The following CDKL2 variants were observed in gnomAD, a reference collection of about 807,000 sequenced individuals.
CDKL2 encodes the protein cyclin dependent kinase like 2, also known as cyclin-dependent kinase-like 2.
A neutral mutation model predicts 63.9 loss-of-function variants in CDKL2; 64 were observed. The ratio of observed to expected loss-of-function variants is 1.00; its 90% CI spans 0.82 to 1.23. The LOEUF is 1.23. Among genes scored for constraint, CDKL2 ranks in the 50% most tolerant of loss-of-function variants. The pLI is 0.00. For missense variants in CDKL2, 656 were observed against 668.0 expected (o/e 0.98, Z 0.20); for synonymous variants, 211 against 229.2 (o/e 0.92, Z 0.72).
intron 3 of CDKL2, among the ~76,000 whole-genome samples, chr4:75,608,712 G>T (rs568404259): frequency 1.2e-4 from 19 of 152,224 alleles, no homozygotes; most frequent in Admixed American, 1.2e-3. Flanking sequence ...AAAATCAATA[G>T]GCCGCACGCA....
chr4:75,596,209 G>T, intron 10 of CDKL2, 38 bp downstream of exon 10: 1 of 1,124,324 alleles, frequency 8.9e-7, no homozygotes, highest in Non-Finnish European at 1.4e-6. Flanking sequence ...AGAGCTGACT[G>T]GTGTTTGCTC....
intron 12 of CDKL2, among the ~76,000 whole-genome samples, chr4:75,584,270 G>A (rs949249852): frequency 2.6e-5 from 4 of 152,178 alleles, no homozygotes; most frequent in Non-Finnish European, 5.9e-5. Context: ...ACTGTTGCTG[G>A]TTTTGAAGGC....
intron 4 of CDKL2, 83 bp from the exon 5 acceptor site, chr4:75,605,717 T>C: frequency 1.3e-6 from 1 of 795,254 alleles, no homozygotes; most frequent in Non-Finnish European, 2.1e-6. Context: ...GAGGTGATGC[T>C]CAAAGGAAAT....
At chr4:75,624,223 T>A (rs752957483) in intron 2 of CDKL2, among the ~76,000 whole-genome samples, 5 of 151,932 alleles carry the variant, frequency 3.3e-5, no homozygotes, top group African/African-American at 4.8e-5. Flanking sequence ...AGCTAATGCA[T>A]GTACTCTTAT....
intron 5 of CDKL2, among the ~76,000 whole-genome samples, chr4:75,604,718 G>C (rs6847167): frequency 0.4 from 60,900 of 152,044 alleles, 12,942 homozygotes; most frequent in African/African-American, 0.51. Context: ...ACTGACTCAA[G>C]AATAATAAAT....
chr4:75,591,782 C>T lies in CDKL2; in HGVS notation c.1647+37G>A, dbSNP rs139429486. 556 of 1,378,442 alleles carry T rather than the reference C, an allele frequency of 4.0e-4. 3 individuals carry two copies. In the African/African-American group the frequency reaches 7.0e-3, roughly 17 times the overall value. The allele number at this position is 1,378,442 out of a possible 1,614,324, so 85.4% of individuals were successfully genotyped here. A position where few individuals can be genotyped will look rare whatever the true frequency, so the allele number is the denominator to read the frequency against. ...CTTTACTAGTAAGTAAGAGAGAGAC[C>T]CGAGTTCTGTCCATCCTATAAAGAG... On this transcript the variant is annotated intron_variant, in intron 12 of 13. Coordinates refer to ENST00000307465, the MANE Select transcript of CDKL2 (RefSeq NM_001330724.2).
chr4:75,600,173 C>A, intron 7 of CDKL2, 108 bp downstream of exon 7: 2 of 678,822 alleles, frequency 2.9e-6, no homozygotes, highest in South Asian at 2.1e-5. Flanking sequence ...TATCTGAGAT[C>A]CTGCAAAGTA....
At chr4:75,607,425 G>A (rs1729469888) in intron 3 of CDKL2, 64 bp from the exon 4 acceptor site, 4 of 1,273,570 alleles carry the variant, frequency 3.1e-6, no homozygotes, top group African/African-American at 3.0e-5. Context: ...CACCTGCTAT[G>A]TGCAGGGCAT....
chr4:75,607,407 T>C (rs1729469324), intron 3 of CDKL2, 46 bp from the exon 4 acceptor site: 1 of 1,490,274 alleles, frequency 6.7e-7, no homozygotes, highest in Non-Finnish European at 9.2e-7. Flanking sequence ...AAATTAATTA[T>C]TTTGGGGCAC....
At chr4:75,596,044 G>T in intron 10 of CDKL2, 1 of 308,228 alleles carries the variant, frequency 3.2e-6, no homozygotes. Context: ...AAGGAAGGAA[G>T]GAGTTTTTAG....
intron 2 of CDKL2, 33 bp from the exon 3 acceptor site, chr4:75,614,482 T>C: frequency 7.3e-7 from 1 of 1,364,428 alleles, no homozygotes; most frequent in Non-Finnish European, 1.0e-6. Context: ...AGCTGTTATT[T>C]AAAAATGCAA....
chr4:75,626,396 G>C (rs941506672), intron 1 of CDKL2, among the ~76,000 whole-genome samples: 1 of 152,086 alleles, frequency 6.6e-6, no homozygotes, highest in African/African-American at 2.4e-5. Context: ...ACCGGGCGCA[G>C]TGGCTCACGC....
chr4:75,592,097 T>G, intron 11 of CDKL2, 49 bp downstream of exon 11: 1 of 1,477,150 alleles, frequency 6.8e-7, no homozygotes, highest in South Asian at 1.3e-5. Flanking sequence ...TAACATACAT[T>G]TTAAATAATC....
chr4:75,609,424 G>A (rs1729581072), intron 3 of CDKL2, among the ~76,000 whole-genome samples: 2 of 151,532 alleles, frequency 1.3e-5, no homozygotes, highest in Non-Finnish European at 2.9e-5. Flanking sequence ...GGCCAACATG[G>A]TGAAACCCCG....
rs1728128649 is a variant in CDKL2 at position 75,578,689 on chromosome 4, C to G, written c.*513G>C. The stretch of plus-strand genomic sequence containing the variant: ...AAAGCAAACAGTTTCTCTTACTGAT[C>G]CTAGTTTCTTCAATTTTCTTCAACT... On this transcript the variant is annotated 3_prime_UTR_variant, in exon 14 of 14. Coordinates refer to ENST00000307465, the MANE Select transcript of CDKL2 (RefSeq NM_001330724.2). The G allele has an allele frequency of 6.6e-6, 1 of 152,530 alleles. No homozygotes were observed. The highest frequency in any genetic ancestry group is 6.5e-5 in the Admixed American group (1 of 15,272). 9.4% of individuals were successfully genotyped at this position (152,530 alleles called of 1,614,324 possible). A position where few individuals can be genotyped will look rare whatever the true frequency, so the allele number is the denominator to read the frequency against.
intron 10 of CDKL2, chr4:75,596,013 GAAGGAAGGAAGGAAGGAAGA>G (rs1366129877): frequency 0.25 from 28,091 of 111,500 alleles, 3,339 homozygotes; most frequent in East Asian, 0.33. Context: ...AGGAAGGAAG[GAAGGAAGGAAGGAAGGAAGA>G]AAGGAAGGAA....
chr4:75,597,794 G>A (rs193214869), intron 8 of CDKL2, among the ~76,000 whole-genome samples: 20 of 152,268 alleles, frequency 1.3e-4, no homozygotes, highest in Middle Eastern at 3.4e-3. Context: ...TTTGTTCCAT[G>A]TGTCTGTGTG....
At chr4:75,614,653 C>T (rs916501280) in intron 2 of CDKL2, among the ~76,000 whole-genome samples, 1 of 151,856 alleles carries the variant, frequency 6.6e-6, no homozygotes, top group Admixed American at 6.6e-5. Context: ...CTCCTTTCTC[C>T]TCTCAGAGAA....
At chr4:75,594,636 G>A (rs189822250) in intron 10 of CDKL2, among the ~76,000 whole-genome samples, 3 of 152,048 alleles carry the variant, frequency 2.0e-5, no homozygotes, top group African/African-American at 4.8e-5. Flanking sequence ...AGAAGGCATC[G>A]AACATAAAGG....
Sources: gnomAD v4.1 joint callset for allele counts (sites outside exome capture counted in the v4.1 genomes callset) on GRCh38, gnomAD v4.1.1 for gene constraint, MANE v1.5 for transcripts, NCBI Gene and HGNC (gene_info 2026-07-23, HGNC 2026-07-21) for gene names.